Variants in PTPRD observed in about 807,000 individuals in gnomAD.
PTPRD encodes protein tyrosine phosphatase receptor type D.
PTPRD carries 34 observed loss-of-function variants against 214.5 expected under a neutral mutation model. That is an observed-to-expected ratio of 0.16 (90% CI 0.12 to 0.21). PTPRD has a LOEUF of 0.21. PTPRD is among the 10% of genes least tolerant of loss of function. The pLI is 1.00. For missense variants in PTPRD, 2,545 were observed against 2,398.7 expected (o/e 1.06, Z -1.27); for synonymous variants, 1,128 against 845.7 (o/e 1.33, Z -5.79).
At chr9:8,473,506 CT>C (rs1251801064) in intron 30 of PTPRD, among the ~76,000 whole-genome samples, 2 of 152,150 alleles carry the variant, frequency 1.3e-5, no homozygotes, top group African/African-American at 4.8e-5. Flanking sequence ...CAAGGAACCT[CT>C]TGCTTTTCAC....
At chr9:8,900,560 T>G (rs1352318024) in intron 11 of PTPRD, among the ~76,000 whole-genome samples, 4 of 152,206 alleles carry the variant, frequency 2.6e-5, no homozygotes, top group Non-Finnish European at 5.9e-5. Flanking sequence ...TGCCCAGAAT[T>G]TGACCCTGCA....
At chr9:9,805,186 T>C (rs1417903689) in intron 5 of PTPRD, among the ~76,000 whole-genome samples, 1 of 152,124 alleles carries the variant, frequency 6.6e-6, no homozygotes, top group East Asian at 1.9e-4. Context: ...CTCAAGCAAA[T>C]GTCTCAATAA....
intron 11 of PTPRD, among the ~76,000 whole-genome samples, chr9:8,969,677 G>T (rs1347823735): frequency 6.6e-6 from 1 of 151,632 alleles, no homozygotes; most frequent in African/African-American, 2.4e-5. Flanking sequence ...GGGGAATGAA[G>T]AAAAAAGAGA....
At chr9:8,741,549 T>C (rs1165963410) in intron 11 of PTPRD, among the ~76,000 whole-genome samples, 1 of 149,992 alleles carries the variant, frequency 6.7e-6, no homozygotes, top group Non-Finnish European at 1.5e-5. Flanking sequence ...ATTCTATTAT[T>C]TTAATCTCAG....
rs724159862 is a variant in PTPRD, at chr9:8,376,684, G to C, written c.4429C>G (p.His1477Asp). 1.9e-6 allele frequency: 3 copies of C among 1,612,930 alleles called. No homozygotes were observed. Among genetic ancestry groups the C allele is most frequent in the African/African-American group, 1.3e-5 (1 of 74,816 alleles). Residue 1477 changes from histidine to aspartate, a missense_variant, in exon 38 of 46, where the codon CAC becomes GAC. Physicochemically the swap from His to Asp is moderately conservative, Grantham distance 81 (BLOSUM62 -1). Coordinates refer to ENST00000381196, the MANE Select transcript of PTPRD (RefSeq NM_002839.4). ...QYWPSRGTETHGLVQVTLLDT... is the reference protein window; with the variant it reads ...QYWPSRGTETDGLVQVTLLDT... The stretch of plus-strand genomic sequence containing the variant: ...AGCAGCGTTACTTGAACGAGTCCGT[G>C]GGTTTCTGTGCCTCTGCTAGGCCAA...
intron 14 of PTPRD, among the ~76,000 whole-genome samples, chr9:8,568,644 T>C (rs1362576116): frequency 2.6e-5 from 4 of 152,174 alleles, no homozygotes; most frequent in Non-Finnish European, 5.9e-5. Flanking sequence ...ATATCACTAT[T>C]AGACAGCCTA....
At chr9:8,581,808 G>T (rs558634213) in intron 14 of PTPRD, among the ~76,000 whole-genome samples, 28 of 150,010 alleles carry the variant, frequency 1.9e-4, no homozygotes, top group Non-Finnish European at 2.7e-4. Flanking sequence ...GGTGAGGGGA[G>T]GGAAGGGCCC....
At chr9:8,688,290 G>T (rs2097726392) in intron 12 of PTPRD, among the ~76,000 whole-genome samples, 1 of 152,200 alleles carries the variant, frequency 6.6e-6, no homozygotes, top group African/African-American at 2.4e-5. Context: ...AATATAGCCA[G>T]GCGTGGTGGC....
chr9:8,998,938 G>A (rs1007337464), intron 11 of PTPRD, among the ~76,000 whole-genome samples: 1 of 152,022 alleles, frequency 6.6e-6, no homozygotes, highest in African/African-American at 2.4e-5. Context: ...AACAGCAAGA[G>A]AACTAGAATT....
At chr9:9,684,163 G>GT (rs2097127055) in intron 7 of PTPRD, among the ~76,000 whole-genome samples, 1 of 151,246 alleles carries the variant, frequency 6.6e-6, no homozygotes, top group East Asian at 1.9e-4. Context: ...GACATGCTTG[G>GT]TTAAAAAAAA....
In PTPRD at chr9:9,637,256, C is replaced by G. The variant is rs532112826; in HGVS notation, c.-286-62475G>C. ...CCCCCAAAGTCTTAATTCACTCTAG[C>G]ATAAACTCAATAGTCTGAAGTCCAG... On this transcript the variant is annotated intron_variant, in intron 7 of 45. Coordinates refer to ENST00000381196, the MANE Select transcript of PTPRD (RefSeq NM_002839.4). Among the ~76,000 whole-genome samples the G allele has an allele frequency of 2.6e-5, 4 of 152,290 alleles. No homozygotes were observed. In the South Asian group the frequency reaches 8.3e-4, roughly 32 times the overall value.
intron 4 of PTPRD, among the ~76,000 whole-genome samples, chr9:9,990,142 T>A (rs2095863281): frequency 6.6e-6 from 1 of 152,132 alleles, no homozygotes; most frequent in African/African-American, 2.4e-5. Flanking sequence ...GAATGTTGGT[T>A]CAGTTTCCCT....
chr9:9,354,369 AT>A (rs1596282024), intron 9 of PTPRD, among the ~76,000 whole-genome samples: 1 of 151,858 alleles, frequency 6.6e-6, no homozygotes, highest in Non-Finnish European at 1.5e-5. Flanking sequence ...TCAAAGGAAG[AT>A]TTTATACACT....
intron 10 of PTPRD, among the ~76,000 whole-genome samples, chr9:9,019,883 T>C (rs920263547): frequency 6.6e-6 from 1 of 151,714 alleles, no homozygotes; most frequent in African/African-American, 2.4e-5. Context: ...ACTTGTTCAC[T>C]TTTTTTTTCT....
In PTPRD at chr9:8,698,753, T is replaced by C. The variant is rs545836959; in HGVS notation, c.64+35027A>G. On this transcript the variant is annotated intron_variant, in intron 12 of 45. Transcript: ENST00000381196. Reference sequence around the variant, plus strand: ...CCGGCATAATACAGAAATCGCCTTTTCGCAGGAAACTAGATAGCTTGTTAC... The same window carrying C: ...CCGGCATAATACAGAAATCGCCTTTCCGCAGGAAACTAGATAGCTTGTTAC... Among the ~76,000 whole-genome samples the C allele has an allele frequency of 1.4e-4, 21 of 152,270 alleles. No homozygotes were observed. The South Asian group carries it at 3.3e-3, about 24-fold the overall frequency.
chr9:8,599,606 G>A (rs995355374), intron 14 of PTPRD, among the ~76,000 whole-genome samples: 5 of 43,666 alleles, frequency 1.1e-4, no homozygotes, highest in Admixed American at 2.5e-4. Context: ...TCCCCCACCC[G>A]CCCACCCTTT....
intron 12 of PTPRD, among the ~76,000 whole-genome samples, chr9:8,714,699 T>G (rs977852619): frequency 6.6e-6 from 1 of 152,058 alleles, no homozygotes; most frequent in Non-Finnish European, 1.5e-5. Flanking sequence ...CTTCAAATCT[T>G]TGCTTAAATG....
chr9:9,449,656 T>C (rs1018469192), intron 8 of PTPRD, among the ~76,000 whole-genome samples: 6 of 152,038 alleles, frequency 3.9e-5, no homozygotes, highest in African/African-American at 1.4e-4. Flanking sequence ...CTCATTCACA[T>C]TGTCTAGAAA....
At chr9:8,516,798 C>CTTTTTTTT (rs71500960) in intron 21 of PTPRD, among the ~76,000 whole-genome samples, 6 of 107,890 alleles carry the variant, frequency 5.6e-5, no homozygotes, top group Non-Finnish European at 9.0e-5. Context: ...CAAGAATAAA[C>CTTTTTTTT]TTTTTTTTTT....
Sources: allele counts gnomAD v4.1 joint callset (sites outside exome capture counted in the v4.1 genomes callset), GRCh38; gene constraint gnomAD v4.1.1; transcripts MANE v1.5; gene names NCBI Gene and HGNC (gene_info 2026-07-23, HGNC 2026-07-21).